SMG1: variants seen among roughly 807,000 people sequenced by gnomAD.
The protein encoded by SMG1 is serine/threonine-protein kinase SMG1.
In SMG1, 22 loss-of-function variants were observed where a neutral mutation model predicts 419.9. The ratio of observed to expected loss-of-function variants is 0.05; its 90% CI spans 0.04 to 0.07. The LOEUF is 0.07. Among genes scored for constraint, SMG1 ranks in the 10% least tolerant of loss-of-function variants. The pLI is 1.00. For synonymous variants in SMG1, 1,538 were observed against 1,553.5 expected, an observed-to-expected ratio of 0.99 and a Z score of 0.23; for missense variants, 3,185 against 4,342.0, an observed-to-expected ratio of 0.73 and a Z score of 7.49.
intron 1 of SMG1, among the ~76,000 whole-genome samples, chr16:18,924,108 CT>C (rs2038299391): frequency 6.6e-6 from 1 of 152,202 alleles, no homozygotes; most frequent in Non-Finnish European, 1.5e-5. Flanking sequence ...CTGAAACTTT[CT>C]TACAAAAAGC....
intron 54 of SMG1, 124 bp from the exon 55 acceptor site, chr16:18,828,292 G>T (rs995401950): frequency 2.4e-6 from 2 of 846,894 alleles, no homozygotes; most frequent in African/African-American, 3.4e-5. Context: ...CCAATGGGAG[G>T]TAAGCAGGGA....
At chr16:18,923,488 A>G (rs552391853) in intron 1 of SMG1, among the ~76,000 whole-genome samples, 1 of 152,146 alleles carries the variant, frequency 6.6e-6, no homozygotes, top group South Asian at 2.1e-4. Context: ...TACTAAAAAT[A>G]CAAAAATTAG....
chr16:18,843,100 T>G lies in SMG1; in HGVS notation c.6220-646A>C, dbSNP rs114791494. Among the ~76,000 whole-genome samples, 334 of 152,324 alleles carry G rather than the reference T, an allele frequency of 2.2e-3. 5 individuals carry two copies. Among genetic ancestry groups the G allele is most frequent in the African/African-American group, 7.4e-3 (306 of 41,574 alleles). On this transcript the variant is annotated intron_variant, in intron 39 of 62. Coordinates refer to ENST00000446231, the MANE Select transcript of SMG1 (RefSeq NM_015092.5). ...AATAATTCCCCAATGTTGAGCTATG[T>G]ATGCACAACACCAAAACAATCCAGT... is the stretch of plus-strand genomic sequence containing the variant.
chr16:18,816,032 T>C, intron 58 of SMG1: 1 of 490,804 alleles, frequency 2.0e-6, no homozygotes, highest in Non-Finnish European at 3.6e-6. Flanking sequence ...ATGCTCAGAC[T>C]AGGTTCATAT....
chr16:18,834,210 T>G lies in SMG1; in HGVS notation c.8559A>C (p.Ser2853=). ...TTAAAATAAAAGTGTTCACCTGAAGTGAGGTATACACTCCATTGGCTAAGT... is the reference window on the plus strand; with the variant it reads ...TTAAAATAAAAGTGTTCACCTGAAGGGAGGTATACACTCCATTGGCTAAGT... ...TVHLANGVYT[S]LQELNSNFRQ... is the part of the protein sequence containing the mutation. Residue 2853 remains serine (S), a synonymous_variant, in exon 50 of 63, where the codon TCA becomes TCC. Coordinates refer to ENST00000446231, the MANE Select transcript of SMG1 (RefSeq NM_015092.5). 1.3e-6 allele frequency: 2 copies of G among 1,585,782 alleles called. No individual in the cohort carries two copies. Among genetic ancestry groups the G allele is most frequent in the South Asian group, 1.1e-5 (1 of 87,532 alleles).
At chr16:18,819,168 T>C (rs1057046758) in intron 56 of SMG1, among the ~76,000 whole-genome samples, 1 of 152,232 alleles carries the variant, frequency 6.6e-6, no homozygotes, top group Non-Finnish European at 1.5e-5. Flanking sequence ...AAAAATAATA[T>C]TCCAAGTACC....
At chr16:18,816,576 A>G in intron 57 of SMG1, 47 bp from the exon 58 acceptor site, 2 of 1,508,514 alleles carry the variant, frequency 1.3e-6, no homozygotes, top group African/African-American at 1.4e-5. Flanking sequence ...AGCTGAAATA[A>G]TGAGTTCTTT....
chr16:18,842,009 C>T (rs1300364607), intron 40 of SMG1, among the ~76,000 whole-genome samples, 199 bp downstream of exon 40: 1 of 152,154 alleles, frequency 6.6e-6, no homozygotes, highest in Non-Finnish European at 1.5e-5. Context: ...AGTTCATACA[C>T]AAAGTGGGGG....
In SMG1 at chr16:18,830,299, A is replaced by T; in HGVS notation, c.8863T>A (p.Ser2955Thr). The change falls in exon 52 of 63, where the codon TCA (serine) becomes ACA (threonine). Residue 2955 changes from serine (S) to threonine (T), a missense_variant. Ser to Thr is a moderately conservative substitution (Grantham distance 58). Transcript: ENST00000446231. ...GCTACCAAAAGCATCTGGCCAGCTG[A>T]CATTTTGGGTGTTTCATCAACTGAA... The part of the protein sequence containing the change: ...NGSVDETPKM[S>T]AGQMLLVAFD... 1 of 1,613,992 alleles carries T rather than the reference A, an allele frequency of 6.2e-7. No homozygotes were observed. Among genetic ancestry groups the T allele is most frequent in the East Asian group, 2.2e-5 (1 of 44,894 alleles).
At chr16:18,819,882 T>C (rs973961887) in intron 55 of SMG1, among the ~76,000 whole-genome samples, 1 of 152,250 alleles carries the variant, frequency 6.6e-6, no homozygotes, top group Non-Finnish European at 1.5e-5. Flanking sequence ...TTCAGTTTAT[T>C]ATCTTAAAAC....
At chr16:18,813,035 T>C (rs2141081302) in intron 60 of SMG1, among the ~76,000 whole-genome samples, 1 of 152,198 alleles carries the variant, frequency 6.6e-6, no homozygotes, top group Admixed American at 6.5e-5. Context: ...TTCCATGGTG[T>C]ATATGTGCCA....
chr16:18,860,746 A>G lies in SMG1; in HGVS notation c.3726T>C (p.Phe1242=). ...KSLSSFESGK[F]VECTEQLELL... ...ATTCTAACTGCTCGGTACATTCAAC[A>G]AATTTTCCAGACTCAAAGCTGCTTA... The change falls in exon 26 of 63, where the codon TTT becomes TTC. Residue 1242 remains phenylalanine, a synonymous_variant. Transcript: ENST00000446231. 6.5e-7 allele frequency: 1 copy of G among 1,542,390 alleles called. No individual in the cohort carries two copies. Among genetic ancestry groups the G allele is most frequent in the Non-Finnish European group, 8.8e-7 (1 of 1,136,316 alleles).
At chr16:18,842,654 A>G (rs2033990839) in intron 39 of SMG1, among the ~76,000 whole-genome samples, 200 bp from the exon 40 acceptor site, 1 of 152,096 alleles carries the variant, frequency 6.6e-6, no homozygotes, top group East Asian at 1.9e-4. Flanking sequence ...GCAAAACCCC[A>G]TCTCTACAAA....
intron 56 of SMG1, among the ~76,000 whole-genome samples, chr16:18,818,591 T>G (rs1425551404): frequency 6.6e-6 from 1 of 151,962 alleles, no homozygotes; most frequent in Non-Finnish European, 1.5e-5. Context: ...TAGATAAAAT[T>G]ATGCACTATT....
At chr16:18,842,778 C>T (rs975020055) in intron 39 of SMG1, among the ~76,000 whole-genome samples, 5 of 152,034 alleles carry the variant, frequency 3.3e-5, no homozygotes, top group Non-Finnish European at 5.9e-5. Context: ...TGCAGAGAGC[C>T]GAGATTACGC....
chr16:18,841,897 C>T, intron 40 of SMG1, 103 bp from the exon 41 acceptor site: 1 of 946,646 alleles, frequency 1.1e-6, no homozygotes, highest in Non-Finnish European at 1.7e-6. Context: ...AACTGACAGT[C>T]CATGAGGCAC....
intron 1 of SMG1, among the ~76,000 whole-genome samples, chr16:18,920,382 CAAAA>C (rs67904345): frequency 4.0e-5 from 4 of 100,804 alleles, no homozygotes; most frequent in Non-Finnish European, 5.9e-5. Flanking sequence ...AACTCCGTCT[CAAAA>C]AAAAAAAAAA....
At chr16:18,831,907 A>G (rs886954890) in intron 51 of SMG1, among the ~76,000 whole-genome samples, 2 of 151,942 alleles carry the variant, frequency 1.3e-5, no homozygotes, top group African/African-American at 4.8e-5. Context: ...AATTAACATT[A>G]AGGAATTATT....
Position 18,925,945 on chromosome 16 carries a change from C to T in SMG1, c.92+5G>A. 6.5e-7 allele frequency: 1 copy of T among 1,550,276 alleles called. No individual in the cohort carries two copies. The highest frequency in any genetic ancestry group is 8.7e-7 in the Non-Finnish European group (1 of 1,154,284). Reference sequence around the variant, plus strand: ...TCGGGGCGGGGTCCCGGGCCGGTCACCCACCTGGGTTGCCAGTCATTCCAG... The same window carrying T: ...TCGGGGCGGGGTCCCGGGCCGGTCATCCACCTGGGTTGCCAGTCATTCCAG... On this transcript the variant is annotated splice_donor_5th_base_variant and intron_variant, in intron 1 of 62. Coordinates refer to ENST00000446231, the MANE Select transcript of SMG1 (RefSeq NM_015092.5).
Sources: allele counts gnomAD v4.1 joint callset (sites outside exome capture counted in the v4.1 genomes callset), GRCh38; gene constraint gnomAD v4.1.1; transcripts MANE v1.5; gene names NCBI Gene and HGNC (gene_info 2026-07-23, HGNC 2026-07-21).